Variants in FABP6 observed in about 807,000 individuals in gnomAD.
FABP6 encodes the protein gastrotropin.
In FABP6, 13 loss-of-function variants were observed where a neutral mutation model predicts 14.9. The ratio of observed to expected loss-of-function variants is 0.87; its 90% CI spans 0.57 to 1.39. FABP6 has a LOEUF of 1.39. Ranked by LOEUF, FABP6 falls within the 40% of genes most tolerant of loss-of-function variation. The pLI, the probability that FABP6 is intolerant of heterozygous loss-of-function variation, is 0.00. For missense variants in FABP6, 161 were observed against 167.2 expected, an observed-to-expected ratio of 0.96 and a Z score of 0.20; for synonymous variants, 75 against 63.6, an observed-to-expected ratio of 1.18 and a Z score of -0.85.
chr5:160,229,973 A>G (rs897346132), intron 1 of FABP6, among the ~76,000 whole-genome samples: 2 of 150,530 alleles, frequency 1.3e-5, no homozygotes, highest in South Asian at 4.2e-4. Context: ...TCCCACGTTC[A>G]AGTAATTCTC....
At chr5:160,236,941 C>T (rs781587498) in intron 3 of FABP6, among the ~76,000 whole-genome samples, 1 of 151,846 alleles carries the variant, frequency 6.6e-6, no homozygotes, top group Non-Finnish European at 1.5e-5. Context: ...AAGAATGAGC[C>T]CCCTCCAGCC....
chr5:160,192,376 CCTAT>C (rs1450182304), intron 1 of FABP6, among the ~76,000 whole-genome samples: 6 of 152,136 alleles, frequency 3.9e-5, no homozygotes, highest in Non-Finnish European at 7.3e-5. Flanking sequence ...AGCAGTCATC[CCTAT>C]CTGACATTTT....
Position 160,213,879 on chromosome 5 carries a change from T to G in FABP6, c.135+60T>G, listed in dbSNP as rs7701320. The G allele has an allele frequency of 4.7e-3, 6,495 of 1,375,352 alleles. 215 individuals are homozygous for G. The African/African-American group carries it at 0.076, about 16-fold the overall frequency. 85.2% of individuals were successfully genotyped at this position (1,375,352 alleles called of 1,614,324 possible). ...ACGTTTTTCAGATTCTGGTTCTAGT[T>G]CCTCATGAACCTAGACTTTGTGTCC... On this transcript the variant is annotated intron_variant, in intron 3 of 6. Transcript: ENST00000393980.
intron 3 of FABP6, among the ~76,000 whole-genome samples, chr5:160,221,088 CAAAAAA>C (rs397884568): frequency 1.4e-5 from 1 of 72,764 alleles, no homozygotes. Flanking sequence ...GACTTTCTCT[CAAAAAA>C]AAAAAAAAAA....
chr5:160,234,402 T>TA (rs1491426022), intron 2 of FABP6, among the ~76,000 whole-genome samples: 12 of 87,462 alleles, frequency 1.4e-4, no homozygotes, highest in African/African-American at 4.6e-4. Context: ...TTTTTTTTTT[T>TA]ACCTACAACT....
At chr5:160,187,652 C>T (rs1318854837) in intron 1 of FABP6, among the ~76,000 whole-genome samples, 1 of 152,116 alleles carries the variant, frequency 6.6e-6, no homozygotes, top group Admixed American at 6.6e-5. Flanking sequence ...CTGTGGGAAG[C>T]TTGAGCCTGT....
intron 1 of FABP6, among the ~76,000 whole-genome samples, chr5:160,195,283 C>CAAAAAAAAAAAA (rs57229719): frequency 1.6e-5 from 1 of 63,566 alleles, no homozygotes; most frequent in African/African-American, 5.7e-5. Flanking sequence ...GACTCTGTCT[C>CAAAAAAAAAAAA]AAAAAAAAAA....
intron 2 of FABP6, among the ~76,000 whole-genome samples, chr5:160,205,097 G>A (rs748932908): frequency 2.6e-5 from 4 of 151,950 alleles, no homozygotes; most frequent in Non-Finnish European, 4.4e-5. Context: ...TGGTAGTCTC[G>A]TCTCCCACTG....
rs543451332 is a variant in FABP6 at position 160,232,001 on chromosome 5, G to C, written c.68-97G>C. On this transcript the variant is annotated intron_variant, in intron 1 of 3. Transcript: ENST00000402432. ...TGCAGGCTAGCCTATCATGCACAAG[G>C]GGGTAGGGCGGTGGGGGTGGGCAGG... is the stretch of plus-strand genomic sequence containing the variant. 293 of 1,393,554 alleles carry C rather than the reference G, an allele frequency of 2.1e-4. 2 individuals carry two copies. The highest frequency in any genetic ancestry group is 2.7e-4 in the Non-Finnish European group (278 of 1,018,942). The allele number at this position is 1,393,554 out of a possible 1,614,324, so 86.3% of individuals were successfully genotyped here.
At chr5:160,223,371 C>CCTTCCTTCCTTCCTTCCTTCCTTCTT (rs1760172042) in intron 3 of FABP6, among the ~76,000 whole-genome samples, 1 of 22,158 alleles carries the variant, frequency 4.5e-5, no homozygotes, top group African/African-American at 2.4e-4. Flanking sequence ...CTTTCCCTCC[C>CCTTCCTTCCTTCCTTCCTTCCTTCTT]TCCCTCCCTC....
At chr5:160,195,235 G>A (rs1759485145) in intron 1 of FABP6, among the ~76,000 whole-genome samples, 1 of 137,122 alleles carries the variant, frequency 7.3e-6, no homozygotes, top group South Asian at 2.5e-4. Flanking sequence ...AGTTAGCTGA[G>A]ATGGTGCCAC....
intron 2 of FABP6, among the ~76,000 whole-genome samples, chr5:160,206,037 A>C: frequency 6.6e-6 from 1 of 152,094 alleles, no homozygotes; most frequent in East Asian, 1.9e-4. Context: ...TTCCATAAAC[A>C]CATTATCTCA....
At chr5:160,210,202 G>T (rs1464609783) in intron 2 of FABP6, among the ~76,000 whole-genome samples, 2 of 152,228 alleles carry the variant, frequency 1.3e-5, no homozygotes, top group African/African-American at 4.8e-5. Context: ...GCTGGAAAGA[G>T]AATTCACCTG....
intron 2 of FABP6, among the ~76,000 whole-genome samples, chr5:160,212,040 T>G (rs1759903651): frequency 6.8e-6 from 1 of 147,780 alleles, no homozygotes; most frequent in South Asian, 2.1e-4. Flanking sequence ...CAGGCTGTAG[T>G]GCAATGGTGT....
chr5:160,188,449 T>A (rs1032072400), intron 1 of FABP6, among the ~76,000 whole-genome samples: 2 of 128,676 alleles, frequency 1.6e-5, no homozygotes, highest in Non-Finnish European at 3.4e-5. Context: ...GGGGAGGGAT[T>A]GGGGGGCCCT....
chr5:160,196,190 A>G (rs1278319284), intron 1 of FABP6, among the ~76,000 whole-genome samples: 1 of 152,226 alleles, frequency 6.6e-6, no homozygotes, highest in Non-Finnish European at 1.5e-5. Flanking sequence ...GGGAGCCACC[A>G]TGGCACTCAA....
chr5:160,209,516 T>G lies in FABP6; in HGVS notation c.52-4220T>G, dbSNP rs1580907778. ...CAGCCTGGGTGACAAAGTGAGACCC[T>G]GTCTCAAAAAATTAAAATAAATAAA... On this transcript the variant is annotated intron_variant, in intron 2 of 6. Coordinates refer to the FABP6 transcript ENST00000393980. Among the ~76,000 whole-genome samples the G allele has an allele frequency of 2.0e-5, 3 of 152,030 alleles. No homozygotes were observed. The East Asian group carries it at 5.8e-4, about 29-fold the overall frequency.
chr5:160,223,393 CCT>C (rs1554113822), intron 3 of FABP6, among the ~76,000 whole-genome samples: 254 of 25,632 alleles, frequency 9.9e-3, no homozygotes, highest in African/African-American at 0.038. Context: ...CTCTCTCCTT[CCT>C]TCCTTCCTTC....
intron 2 of FABP6, among the ~76,000 whole-genome samples, chr5:160,208,473 A>G (rs151017552): frequency 1.1e-4 from 16 of 152,254 alleles, no homozygotes; most frequent in Non-Finnish European, 1.6e-4. Context: ...CTACATTGCA[A>G]TAGTTTGAAT....
Sources: allele counts gnomAD v4.1 joint callset (sites outside exome capture counted in the v4.1 genomes callset), GRCh38; gene constraint gnomAD v4.1.1; transcripts MANE v1.5; gene names NCBI Gene and HGNC (gene_info 2026-07-23, HGNC 2026-07-21).